The following TBC1D32 variants were observed in gnomAD, a reference collection of about 807,000 sequenced individuals.
TBC1D32 encodes the protein TBC1 domain family member 32.
In TBC1D32, 151 loss-of-function variants were observed where a neutral mutation model predicts 170.3. The ratio of observed to expected loss-of-function variants is 0.89; its 90% CI spans 0.78 to 1.01. The LOEUF is 1.01. Ranked by LOEUF, TBC1D32 falls within the 50% of genes least tolerant of loss-of-function variation. TBC1D32 has a pLI of 0.00. For synonymous variants in TBC1D32, 498 were observed against 488.0 expected (o/e 1.02, Z -0.27); for missense variants, 1,464 against 1,457.1 (o/e 1.00, Z -0.08).
At position 121,160,101 on chromosome 6, in the gene TBC1D32, A is replaced by C; in HGVS notation, c.2682T>G (p.Ser894Arg). 6.3e-7 allele frequency: 1 copy of C among 1,588,300 alleles called. No homozygotes were observed. Among genetic ancestry groups the C allele is most frequent in the Non-Finnish European group, 8.6e-7 (1 of 1,159,658 alleles). The part of the protein sequence containing the change: ...RILPPRLLEK[S>R]DNPYPWPMFS... ...ACATTGGCCAAGGATATGGATTATC[A>C]CTCTAAAAAAGAAGCAAGACAGATG... The change falls in exon 24 of 32, where the codon AGT becomes AGG. Residue 894 changes from serine (S) to arginine (R), a missense_variant and splice_region_variant. Ser to Arg is a moderately radical substitution (Grantham distance 110). Around this residue, in one of 3 missense-constraint regions of TBC1D32, gnomAD observed 1,363 missense variants for 1,338.1 expected, o/e 1.02. Coordinates refer to ENST00000398212, the MANE Select transcript of TBC1D32 (RefSeq NM_152730.6).
At chr6:121,194,675 G>T (rs1790498755) in intron 22 of TBC1D32, among the ~76,000 whole-genome samples, 1 of 152,132 alleles carries the variant, frequency 6.6e-6, no homozygotes, top group African/African-American at 2.4e-5. Context: ...TGTCCATAAG[G>T]CCCACCAGAA....
At chr6:121,262,116 T>C (rs1001649642) in intron 15 of TBC1D32, among the ~76,000 whole-genome samples, 7 of 152,076 alleles carry the variant, frequency 4.6e-5, no homozygotes, top group Non-Finnish European at 7.4e-5. Context: ...CTACAAGAAT[T>C]ATGGGACTAT....
At chr6:121,281,257 T>C (rs1802939351) in intron 14 of TBC1D32, among the ~76,000 whole-genome samples, 3 of 151,572 alleles carry the variant, frequency 2.0e-5, no homozygotes, top group African/African-American at 7.3e-5. Context: ...GCAAAACAAA[T>C]AACTTCTTAA....
intron 26 of TBC1D32, 43 bp from the exon 27 acceptor site, chr6:121,115,284 T>G: frequency 7.3e-7 from 1 of 1,378,068 alleles, no homozygotes; most frequent in East Asian, 2.5e-5. Context: ...CAGAAAAGTT[T>G]GCATAATAAT....
rs1796977533 is a variant in TBC1D32, at chr6:121,241,464, CCTGA to C, written c.2242_2245del (p.Ser748GlyfsTer7). 6.2e-7 allele frequency: 1 copy of C among 1,610,960 alleles called. No individual in the cohort carries two copies. The highest frequency in any genetic ancestry group is 1.1e-5 in the South Asian group (1 of 90,558). On this transcript the variant is annotated frameshift_variant and splice_region_variant, in exon 19 of 32. Coordinates refer to ENST00000398212, the MANE Select transcript of TBC1D32 (RefSeq NM_152730.6). LOFTEE classifies it high-confidence loss of function. ...AATTCTAATGAAAAGAAAACATTTA[CCTGA>C]CTTTTTTAGTGCAATGCCACCTGCT...
At chr6:121,185,187 T>G (rs2128278994) in intron 22 of TBC1D32, among the ~76,000 whole-genome samples, 1 of 152,164 alleles carries the variant, frequency 6.6e-6, no homozygotes, top group Admixed American at 6.6e-5. Flanking sequence ...AAATTTTCCC[T>G]CTTTGAAAAG....
intron 22 of TBC1D32, among the ~76,000 whole-genome samples, chr6:121,199,983 T>C (rs918450280): frequency 2.6e-5 from 4 of 151,450 alleles, no homozygotes; most frequent in Admixed American, 1.3e-4. Flanking sequence ...AAGCTAATGA[T>C]GCATAAACCT....
chr6:121,181,339 G>C (rs757582948), intron 22 of TBC1D32, among the ~76,000 whole-genome samples: 1 of 151,956 alleles, frequency 6.6e-6, no homozygotes, highest in African/African-American at 2.4e-5. Flanking sequence ...TCCTCTTCCC[G>C]TAATAGTGAG....
At chr6:121,177,612 A>T (rs2081367774) in intron 22 of TBC1D32, among the ~76,000 whole-genome samples, 1 of 152,192 alleles carries the variant, frequency 6.6e-6, no homozygotes, top group Non-Finnish European at 1.5e-5. Context: ...GATTGCCTAC[A>T]TTGGTGGCTG....
Position 121,272,147 on chromosome 6 carries a change from A to G in TBC1D32, c.1733+6974T>C, listed in dbSNP as rs547848784. Among the ~76,000 whole-genome samples, 271 of 152,292 alleles carry G rather than the reference A, an allele frequency of 1.8e-3. 4 individuals carry two copies. The highest frequency in any genetic ancestry group is 6.2e-3 in the African/African-American group (257 of 41,546). On this transcript the variant is annotated intron_variant, in intron 15 of 31. Coordinates refer to ENST00000398212, the MANE Select transcript of TBC1D32 (RefSeq NM_152730.6). Reference sequence around the variant, plus strand: ...ACTTAAATGTTAGACCTAAAACCATAAAAACCCTAGAAGAAAACCTAGGCA... The same window carrying G: ...ACTTAAATGTTAGACCTAAAACCATGAAAACCCTAGAAGAAAACCTAGGCA...
rs1796767281 is a variant in TBC1D32, at chr6:121,240,153, C to T, written c.2246-965G>A. On this transcript the variant is annotated intron_variant, in intron 19 of 31. Coordinates refer to ENST00000398212, the MANE Select transcript of TBC1D32 (RefSeq NM_152730.6). ...AGAAGCTCAAGAAACTGTAGTCTTCCTCCTTCTGTCCTTTGAAAACTACAC... is the reference window on the plus strand; with the variant it reads ...AGAAGCTCAAGAAACTGTAGTCTTCTTCCTTCTGTCCTTTGAAAACTACAC... Among the ~76,000 whole-genome samples, 4 of 152,110 alleles carry T rather than the reference C, an allele frequency of 2.6e-5. No individual in the cohort carries two copies. The South Asian group carries it at 8.3e-4, about 32-fold the overall frequency.
At chr6:121,216,705 T>A (rs1793869369) in intron 21 of TBC1D32, among the ~76,000 whole-genome samples, 1 of 152,144 alleles carries the variant, frequency 6.6e-6, no homozygotes, top group South Asian at 2.1e-4. Context: ...ATGAAGCTGG[T>A]TGGTTGCTTC....
intron 24 of TBC1D32, among the ~76,000 whole-genome samples, chr6:121,149,730 T>C (rs1783961999): frequency 6.6e-6 from 1 of 152,154 alleles, no homozygotes; most frequent in Non-Finnish European, 1.5e-5. Flanking sequence ...GAATTGTCTT[T>C]GCTATACGGG....
chr6:121,254,264 T>TA (rs1325332136), intron 17 of TBC1D32, among the ~76,000 whole-genome samples: 2 of 151,984 alleles, frequency 1.3e-5, no homozygotes, highest in African/African-American at 4.8e-5. Context: ...GGGTAAGGGA[T>TA]AAAAAATTAC....
intron 20 of TBC1D32, among the ~76,000 whole-genome samples, chr6:121,238,269 C>T (rs1796554535): frequency 6.6e-6 from 1 of 152,082 alleles, no homozygotes; most frequent in African/African-American, 2.4e-5. Context: ...TCTGTTAAAT[C>T]CAGAATCTCA....
intron 24 of TBC1D32, among the ~76,000 whole-genome samples, chr6:121,157,402 T>C (rs1227000502): frequency 6.6e-6 from 1 of 152,268 alleles, no homozygotes; most frequent in South Asian, 2.1e-4. Flanking sequence ...TGCCATTACA[T>C]GTGAGATGTG....
intron 24 of TBC1D32, among the ~76,000 whole-genome samples, chr6:121,138,758 T>G (rs1208217459): frequency 6.6e-6 from 1 of 152,090 alleles, no homozygotes; most frequent in Non-Finnish European, 1.5e-5. Flanking sequence ...ACTATATGTG[T>G]AAGACAGAAT....
intron 12 of TBC1D32, among the ~76,000 whole-genome samples, chr6:121,287,438 A>C (rs571360809): frequency 3.6e-4 from 55 of 152,350 alleles, no homozygotes; most frequent in African/African-American, 1.3e-3. Context: ...GGATCAATTC[A>C]ACAAGAAGAG....
chr6:121,308,578 G>C (rs1386112838), intron 4 of TBC1D32, among the ~76,000 whole-genome samples: 1 of 151,092 alleles, frequency 6.6e-6, no homozygotes, highest in Non-Finnish European at 1.5e-5. Context: ...TGTTTTTTCT[G>C]CTACACCATA....
Sources: gnomAD v4.1 joint callset for allele counts (sites outside exome capture counted in the v4.1 genomes callset) on GRCh38, gnomAD v4.1.1 for gene constraint, gnomAD v4.1.1 regional missense constraint, MANE v1.5 for transcripts, NCBI Gene and HGNC (gene_info 2026-07-23, HGNC 2026-07-21) for gene names.